Variants in TLL2 observed in about 807,000 individuals in gnomAD.
TLL2 encodes tolloid like 2.
In TLL2, 106 loss-of-function variants were observed where a neutral mutation model predicts 123.0. The ratio of observed to expected loss-of-function variants is 0.86; its 90% CI spans 0.74 to 1.01. The LOEUF (loss-of-function observed/expected upper bound fraction) is 1.01. Ranked by LOEUF, TLL2 falls within the 50% of genes least tolerant of loss-of-function variation. The pLI is 0.00. For missense variants in TLL2, 1,332 were observed against 1,336.7 expected, an observed-to-expected ratio of 1.00 and a Z score of 0.06; for synonymous variants, 494 against 516.8, an observed-to-expected ratio of 0.96 and a Z score of 0.60.
intron 9 of TLL2, among the ~76,000 whole-genome samples, chr10:96,407,756 G>T (rs967396551): frequency 6.6e-6 from 1 of 152,160 alleles, no homozygotes; most frequent in Non-Finnish European, 1.5e-5. Context: ...CGATCTCCTA[G>T]GAAACGAAGT....
intron 7 of TLL2, among the ~76,000 whole-genome samples, chr10:96,417,818 T>C (rs1846578565): frequency 6.6e-6 from 1 of 152,194 alleles, no homozygotes; most frequent in Non-Finnish European, 1.5e-5. Context: ...CCAATCAATC[T>C]GTCAGATGAC....
intron 2 of TLL2, among the ~76,000 whole-genome samples, chr10:96,458,220 G>A (rs768871905): frequency 3.3e-5 from 5 of 152,054 alleles, no homozygotes; most frequent in Non-Finnish European, 5.9e-5. Flanking sequence ...CTGCTGGATG[G>A]GAGGAGATGA....
chr10:96,373,548 C>T (rs1846104227), intron 19 of TLL2, 48 bp downstream of exon 19: 1 of 1,568,850 alleles, frequency 6.4e-7, no homozygotes. Context: ...TTCTCTGTCT[C>T]CTGTCCAAGT....
At chr10:96,434,440 A>G (rs1846773831) in intron 3 of TLL2, among the ~76,000 whole-genome samples, 2 of 152,262 alleles carry the variant, frequency 1.3e-5, no homozygotes. Context: ...AGATGGAATC[A>G]CACCACATGT....
Position 96,513,760 on chromosome 10 carries a change from T to C in TLL2, c.-75A>G. On this transcript the variant is annotated 5_prime_UTR_variant, in exon 1 of 21. Coordinates refer to ENST00000357947, the MANE Select transcript of TLL2 (RefSeq NM_012465.4). ...AGCTCGGCCGAAAGACGGCGCACACTGGGTCGGTCGGCTCCGGCCGGGACT... is the reference window on the plus strand; with the variant it reads ...AGCTCGGCCGAAAGACGGCGCACACCGGGTCGGTCGGCTCCGGCCGGGACT... 1.4e-6 allele frequency: 2 copies of C among 1,386,806 alleles called. No homozygotes were observed. The highest frequency in any genetic ancestry group is 1.9e-6 in the Non-Finnish European group (2 of 1,064,100). The allele number at this position is 1,386,806 out of a possible 1,614,324, so 85.9% of individuals were successfully genotyped here.
chr10:96,384,722 C>T lies in TLL2; in HGVS notation c.2059G>A (p.Asp687Asn), dbSNP rs141438733. The change falls in exon 16 of 21, where the codon GAC becomes AAC. Residue 687 changes from aspartate (D) to asparagine (N), a missense_variant. By Grantham distance (23) the Asp-to-Asn change is conservative. Transcript: ENST00000357947. ...FVEVRSGLSP[D>N]AKLHGRFCGS... ...CAGAACCTGCCGTGCAGCTTGGCGT[C>T]GGGGGACAGGCCGCTGCGCACCTCT... The T allele has an allele frequency of 2.6e-5, 42 of 1,610,420 alleles. No individual in the cohort carries two copies. The highest frequency in any genetic ancestry group is 1.6e-4 in the Middle Eastern group (1 of 6,072).
At chr10:96,406,420 G>A (rs1238585835) in intron 9 of TLL2, among the ~76,000 whole-genome samples, 1 of 151,972 alleles carries the variant, frequency 6.6e-6, no homozygotes, top group Non-Finnish European at 1.5e-5. Context: ...CCCTGACCCA[G>A]CCCCTGCACC....
intron 3 of TLL2, among the ~76,000 whole-genome samples, chr10:96,434,788 T>C (rs1388893030): frequency 6.6e-6 from 1 of 152,194 alleles, no homozygotes; most frequent in Non-Finnish European, 1.5e-5. Flanking sequence ...AGTGGCACCA[T>C]TTTACATTCT....
At chr10:96,394,021 C>T (rs1846314828) in intron 13 of TLL2, among the ~76,000 whole-genome samples, 1 of 152,208 alleles carries the variant, frequency 6.6e-6, no homozygotes. Context: ...GGACGAATGG[C>T]TGCCTGCTCT....
At chr10:96,422,954 C>A (rs4919015) in intron 5 of TLL2, among the ~76,000 whole-genome samples, 88,061 of 151,916 alleles carry the variant, frequency 0.58, 26,610 homozygotes, top group East Asian at 0.74. Context: ...ATGGTGAAAC[C>A]CTGTCTCTAC....
At chr10:96,388,884 G>A (rs1846260568) in intron 13 of TLL2, among the ~76,000 whole-genome samples, 1 of 152,192 alleles carries the variant, frequency 6.6e-6, no homozygotes, top group Non-Finnish European at 1.5e-5. Flanking sequence ...GTACTCTTGG[G>A]CTCAATAAAA....
chr10:96,481,766 G>C (rs910201752), intron 1 of TLL2, among the ~76,000 whole-genome samples: 2 of 152,122 alleles, frequency 1.3e-5, no homozygotes, highest in African/African-American at 4.8e-5. Flanking sequence ...AAAGAAACAG[G>C]CTCGAAAATG....
intron 16 of TLL2, among the ~76,000 whole-genome samples, chr10:96,379,691 G>A (rs1490473062): frequency 6.6e-6 from 1 of 152,126 alleles, no homozygotes; most frequent in Non-Finnish European, 1.5e-5. Context: ...GCGTGGTGGT[G>A]CATGCCTGTA....
chr10:96,488,210 C>T (rs534986613), intron 1 of TLL2, among the ~76,000 whole-genome samples: 1 of 152,334 alleles, frequency 6.6e-6, no homozygotes, highest in South Asian at 2.1e-4. Flanking sequence ...CTGAGGTCAC[C>T]GGCCATGGCC....
At chr10:96,407,531 T>C (rs950246642) in intron 9 of TLL2, among the ~76,000 whole-genome samples, 11 of 152,178 alleles carry the variant, frequency 7.2e-5, no homozygotes, top group Admixed American at 5.2e-4. Flanking sequence ...ATAGAGTGTA[T>C]ATTGCTATGC....
At chr10:96,430,149 G>A (rs114820634) in intron 4 of TLL2, among the ~76,000 whole-genome samples, 2,336 of 152,228 alleles carry the variant, frequency 0.015, 59 homozygotes, top group African/African-American at 0.052. Flanking sequence ...CAGTGTTGGA[G>A]GTGGGCCTGG....
intron 16 of TLL2, among the ~76,000 whole-genome samples, chr10:96,381,836 C>T (rs1846188960): frequency 6.6e-6 from 1 of 151,880 alleles, no homozygotes; most frequent in Non-Finnish European, 1.5e-5. Context: ...ATGACTTGCT[C>T]AGTGAGAGAC....
chr10:96,457,345 T>A (rs1276167971), intron 2 of TLL2, among the ~76,000 whole-genome samples: 2 of 152,210 alleles, frequency 1.3e-5, no homozygotes, highest in East Asian at 3.9e-4. Context: ...CTCACCTGGC[T>A]GAATGACAGC....
Position 96,397,259 on chromosome 10 carries a change from C to T in TLL2, c.1311G>A (p.Thr437=), listed in dbSNP as rs761698869. 1.3e-5 allele frequency: 21 copies of T among 1,613,644 alleles called. No homozygotes were observed. In the Admixed American group the frequency reaches 1.5e-4, roughly 12 times the overall value. The change falls in exon 11 of 21, where the codon ACG becomes ACA. Residue 437 remains threonine (T), a synonymous_variant. Transcript: ENST00000357947. The stretch of plus-strand genomic sequence containing the variant: ...GGAACTCCACCCAGAGCCGGCTGTC[C>T]GTGGAGACGAGGGGCTCCGGGATCT... ...GDKIPEPLVS[T]DSRLWVEFRS...
Sources: gnomAD v4.1 joint callset for allele counts (sites outside exome capture counted in the v4.1 genomes callset) on GRCh38, gnomAD v4.1.1 for gene constraint, MANE v1.5 for transcripts, NCBI Gene and HGNC (gene_info 2026-07-23, HGNC 2026-07-21) for gene names.